Variants in DNAH8 observed in about 807,000 individuals in gnomAD.
DNAH8 encodes the protein axonemal beta dynein heavy chain 8.
Under a neutral mutation model 562.1 loss-of-function variants are expected in DNAH8, and 382 were observed. The observed-to-expected ratio is 0.68, with a 90% confidence interval of 0.63 to 0.74. The LOEUF (loss-of-function observed/expected upper bound fraction) is 0.74, where lower values mean the gene tolerates loss of function less well. Ranked by LOEUF, DNAH8 falls within the 30% of genes least tolerant of loss-of-function variation. DNAH8 has a pLI of 0.00. For synonymous variants in DNAH8, 1,881 were observed against 1,919.4 expected (o/e 0.98, Z 0.52); for missense variants, 5,203 against 5,620.4 (o/e 0.93, Z 2.37).
chr6:38,931,898 G>C lies in DNAH8; in HGVS notation c.11362G>C (p.Glu3788Gln), dbSNP rs1284682911. 3 of 1,611,762 alleles carry C rather than the reference G, an allele frequency of 1.9e-6. No individual in the cohort carries two copies. Among genetic ancestry groups the C allele is most frequent in the Non-Finnish European group, 2.5e-6 (3 of 1,179,026 alleles). The part of the protein sequence containing the change: ...TKLPNPAFTP[E>Q]INAKTSVIDF... ...GTTACCAAATCCTGCCTTTACCCCAGAGATTAATGCTAAAACGTCAGTCAT... is the reference window on the plus strand; with the variant it reads ...GTTACCAAATCCTGCCTTTACCCCACAGATTAATGCTAAAACGTCAGTCAT... Residue 3788 changes from glutamate (E) to glutamine (Q), a missense_variant, in exon 76 of 93, where the codon GAG becomes CAG. Transcript: ENST00000327475.
At chr6:38,739,420 A>G (rs576133888) in intron 7 of DNAH8, among the ~76,000 whole-genome samples, 2 of 152,194 alleles carry the variant, frequency 1.3e-5, no homozygotes, top group African/African-American at 4.8e-5. Flanking sequence ...TAAATTCTTT[A>G]TTTATTTTAA....
chr6:38,793,062 G>A (rs927406049), intron 21 of DNAH8, among the ~76,000 whole-genome samples: 11 of 152,198 alleles, frequency 7.2e-5, no homozygotes, highest in African/African-American at 2.7e-4. Context: ...GATTACAGGT[G>A]TGAGCCACCA....
At chr6:38,929,792 C>G (rs192700654) in intron 75 of DNAH8, 126 bp downstream of exon 75, 853 of 850,130 alleles carry the variant, frequency 1.0e-3, no homozygotes, top group Non-Finnish European at 1.2e-3. Flanking sequence ...TTGAGCATAG[C>G]AGCAAATGCA....
intron 60 of DNAH8, among the ~76,000 whole-genome samples, chr6:38,896,934 C>G (rs1332731399): frequency 6.6e-6 from 1 of 152,048 alleles, no homozygotes; most frequent in Non-Finnish European, 1.5e-5. Flanking sequence ...TACAGGTGCC[C>G]CCCACCATGC....
chr6:38,791,202 TTCTCTGCCTG>T lies in DNAH8; in HGVS notation c.2782-351_2782-342del, dbSNP rs146061911. ...TGGAGTTAGATAAACCTGGGTAGGA[TTCTCTGCCTG>T]TTACTAGCTATGTGTTCCTTCCCAG... is the stretch of plus-strand genomic sequence containing the variant. On this transcript the variant is annotated intron_variant, in intron 20 of 92. Transcript: ENST00000327475. 3.1e-3 allele frequency among the ~76,000 whole-genome samples: 472 copies of T among 152,310 alleles called. 3 individuals are homozygous for T. The highest frequency in any genetic ancestry group is 0.011 in the African/African-American group (455 of 41,572).
chr6:38,715,940 A>AT (rs1762268926), intron 1 of DNAH8, among the ~76,000 whole-genome samples: 1 of 13,790 alleles, frequency 7.3e-5, no homozygotes, highest in East Asian at 2.4e-3. Context: ...ATATATATAT[A>AT]TATATATATA....
rs766814851 is a variant in DNAH8, at chr6:38,907,987, A to G, written c.9380A>G (p.Asp3127Gly). Reference sequence around the variant, plus strand: ...AACTTGTTTGCACGAGATGAGATGGATGAAATCACCCAAGGTCTGATTTCA... The same window carrying G: ...AACTTGTTTGCACGAGATGAGATGGGTGAAATCACCCAAGGTCTGATTTCA... ...ISNLFARDEM[D>G]EITQGLISVM... The change falls in exon 64 of 93, where the codon GAT (aspartate) becomes GGT (glycine). Residue 3127 changes from aspartate (D) to glycine (G), a missense_variant. This residue lies in a region of DNAH8 where 977 missense variants were observed against 1,061.8 expected (regional missense o/e 0.92). Coordinates refer to ENST00000327475, the MANE Select transcript of DNAH8 (RefSeq NM_001206927.2). The G allele has an allele frequency of 4.4e-6, 7 of 1,608,280 alleles. No homozygotes were observed. The highest frequency in any genetic ancestry group is 5.9e-6 in the Non-Finnish European group (7 of 1,178,062).
At chr6:38,981,028 A>AGTGTGTGTGTGTGTGT (rs368543739) in intron 85 of DNAH8, among the ~76,000 whole-genome samples, 3 of 145,624 alleles carry the variant, frequency 2.1e-5, no homozygotes, top group East Asian at 2.0e-4. Flanking sequence ...TGAAAACGGC[A>AGTGTGTGTGTGTGTGT]GTGTGTGTGT....
At position 38,894,800 on chromosome 6, in the gene DNAH8, T is replaced by A. The variant is rs372338740; in HGVS notation, c.8683T>A (p.Cys2895Ser). 1 of 1,613,992 alleles carries A rather than the reference T, an allele frequency of 6.2e-7. No homozygotes were observed. The highest frequency in any genetic ancestry group is 8.5e-7 in the Non-Finnish European group (1 of 1,179,984). Residue 2895 changes from cysteine (C) to serine (S), a missense_variant, in exon 59 of 93, where the codon TGC (cysteine) becomes AGC (serine). Physicochemically the swap from Cys to Ser is moderately radical, Grantham distance 112 (BLOSUM62 -1). Around this residue, in one of 6 missense-constraint regions of DNAH8, gnomAD observed 977 missense variants for 1,061.8 expected, o/e 0.92. Transcript: ENST00000327475. The stretch of plus-strand genomic sequence containing the variant: ...AATGTTGACCATAAAAGCTGAGGAG[T>A]GCGCTTCAATCCCTACTCTCCTGTC... ...QGMLTIKAEE[C>S]ASIPTLLSLF...
chr6:38,995,479 T>A (rs562350628), intron 88 of DNAH8, among the ~76,000 whole-genome samples: 15 of 152,364 alleles, frequency 9.8e-5, no homozygotes, highest in Middle Eastern at 3.4e-3. Flanking sequence ...TTGGATGCTT[T>A]AAAGTTTGGT....
At chr6:38,815,112 T>C (rs891957625) in intron 25 of DNAH8, among the ~76,000 whole-genome samples, 2 of 152,230 alleles carry the variant, frequency 1.3e-5, no homozygotes, top group Admixed American at 1.3e-4. Flanking sequence ...TTCATAGATC[T>C]CTAACACATA....
intron 82 of DNAH8, among the ~76,000 whole-genome samples, chr6:38,967,829 AAAAG>A (rs1018624748): frequency 4.6e-5 from 7 of 152,208 alleles, no homozygotes; most frequent in Non-Finnish European, 1.0e-4. Context: ...AACAATCTTG[AAAAG>A]AAAGAACAAA....
At chr6:38,981,090 GA>G (rs1764004919) in intron 85 of DNAH8, among the ~76,000 whole-genome samples, 2 of 150,974 alleles carry the variant, frequency 1.3e-5, no homozygotes, top group South Asian at 4.2e-4. Flanking sequence ...AAAAGAAAAA[GA>G]AAAGTTAGTA....
At chr6:38,823,235 C>G (rs1773032388) in intron 27 of DNAH8, among the ~76,000 whole-genome samples, 1 of 152,194 alleles carries the variant, frequency 6.6e-6, no homozygotes, top group Non-Finnish European at 1.5e-5. Flanking sequence ...GAGGCTCAGA[C>G]AGATTTTGTT....
At position 38,898,344 on chromosome 6, in the gene DNAH8, G is replaced by A. The variant is rs745509428; in HGVS notation, c.9027G>A (p.Leu3009=). Residue 3009 remains leucine, a synonymous_variant, in exon 61 of 93, where the codon CTG becomes CTA. Coordinates refer to ENST00000327475, the MANE Select transcript of DNAH8 (RefSeq NM_001206927.2). ...NEIIRGTSLD[L]VFFKDAMTHL... Reference sequence around the variant, plus strand: ...TCATTAGAGGAACATCTCTTGATCTGGTGTTTTTTAAAGATGCAATGACTC... The same window carrying A: ...TCATTAGAGGAACATCTCTTGATCTAGTGTTTTTTAAAGATGCAATGACTC... The A allele has an allele frequency of 4.4e-6, 7 of 1,581,222 alleles. No homozygotes were observed. In the South Asian group the frequency reaches 7.2e-5, roughly 16 times the overall value.
At chr6:38,893,078 T>C (rs1779445827) in intron 58 of DNAH8, among the ~76,000 whole-genome samples, 1 of 152,180 alleles carries the variant, frequency 6.6e-6, no homozygotes, top group African/African-American at 2.4e-5. Context: ...CTCTCCCCAC[T>C]GGAATAAAAG....
At chr6:38,984,568 G>A (rs985499744) in intron 87 of DNAH8, among the ~76,000 whole-genome samples, 76 of 152,012 alleles carry the variant, frequency 5.0e-4, no homozygotes, top group African/African-American at 1.7e-3. Flanking sequence ...TGAGGCGGGC[G>A]GATCACGAGG....
Position 38,899,777 on chromosome 6 carries a change from T to C in DNAH8, c.9065T>C (p.Ile3022Thr). ...AGCACGTTTTAAATCTCAAAACAGA[T>C]TTCACGAATAATTCGAACGTCGTGT... ...FKDAMTHLIK[I>T]SRIIRTSCGN... The change falls in exon 62 of 93, where the codon ATT becomes ACT. Residue 3022 changes from isoleucine (I) to threonine (T), a missense_variant and splice_region_variant. Physicochemically the swap from Ile to Thr is moderately conservative, Grantham distance 89. Coordinates refer to ENST00000327475, the MANE Select transcript of DNAH8 (RefSeq NM_001206927.2). The C allele has an allele frequency of 1.9e-6, 3 of 1,613,664 alleles. No individual in the cohort carries two copies. The highest frequency in any genetic ancestry group is 1.1e-5 in the South Asian group (1 of 91,022).
Position 38,857,594 on chromosome 6 carries a change from A to G in DNAH8, c.5810A>G (p.Lys1937Arg), listed in dbSNP as rs1776302789. The change falls in exon 42 of 93, where the codon AAA becomes AGA. Residue 1937 changes from lysine to arginine, a missense_variant. Physicochemically the swap from Lys to Arg is conservative, Grantham distance 26. Transcript: ENST00000327475. ...TTACGTAATGCAAAAGATGACAGGAAAATCATGCAAGTGACCAATCAGAAA... is the reference window on the plus strand; with the variant it reads ...TTACGTAATGCAAAAGATGACAGGAGAATCATGCAAGTGACCAATCAGAAA... The part of the protein sequence containing the change: ...EALRNAKDDR[K>R]IMQVTNQKFL... 6.2e-7 allele frequency: 1 copy of G among 1,613,854 alleles called. No homozygotes were observed. Among genetic ancestry groups the G allele is most frequent in the African/African-American group, 1.3e-5 (1 of 74,918 alleles).
Sources: allele counts gnomAD v4.1 joint callset (sites outside exome capture counted in the v4.1 genomes callset), GRCh38; gene constraint gnomAD v4.1.1; regional missense constraint gnomAD v4.1.1; transcripts MANE v1.5; gene names NCBI Gene and HGNC (gene_info 2026-07-23, HGNC 2026-07-21).